Variants in PTK2 observed in about 807,000 individuals in gnomAD.
The protein encoded by PTK2 is focal adhesion kinase 1.
Under a neutral mutation model 150.1 loss-of-function variants are expected in PTK2, and 45 were observed. That is an observed-to-expected ratio of 0.30 (90% CI 0.24 to 0.38). The LOEUF is 0.38. PTK2 is among the 10% of genes least tolerant of loss of function. PTK2 has a pLI of 1.00. For missense variants in PTK2, 919 were observed against 1,307.3 expected, an observed-to-expected ratio of 0.70 and a Z score of 4.58; for synonymous variants, 432 against 449.2, an observed-to-expected ratio of 0.96 and a Z score of 0.48.
chr8:140,696,271 G>T (rs1266567299), intron 26 of PTK2, among the ~76,000 whole-genome samples: 2 of 152,088 alleles, frequency 1.3e-5, no homozygotes, highest in Non-Finnish European at 2.9e-5. Context: ...AACATTAGAA[G>T]AAAAATGAAG....
At position 140,682,072 on chromosome 8, in the gene PTK2, A is replaced by G. The variant is rs184962588; in HGVS notation, c.2562+4560T>C. On this transcript the variant is annotated intron_variant, in intron 27 of 31. Transcript: ENST00000522684. ...CCCCTGCTACATCCAGAAGAAAAAA[A>G]TATTGCTTGAACAAATTTTCTGTGA... Among the ~76,000 whole-genome samples the G allele has an allele frequency of 7.2e-5, 11 of 152,342 alleles. No individual in the cohort carries two copies. The East Asian group carries it at 2.1e-3, about 29-fold the overall frequency.
chr8:140,915,722 C>A (rs2154608114), intron 2 of PTK2, among the ~76,000 whole-genome samples: 1 of 151,994 alleles, frequency 6.6e-6, no homozygotes, highest in African/African-American at 2.4e-5. Context: ...CATGATAAAA[C>A]CCGTCTCTAC....
chr8:140,986,387 A>G (rs752152523), intron 1 of PTK2, among the ~76,000 whole-genome samples: 11 of 152,360 alleles, frequency 7.2e-5, no homozygotes, highest in South Asian at 2.1e-4. Flanking sequence ...AAAAAGACTA[A>G]AAGAAAATAT....
At chr8:140,680,991 AG>A (rs2100016594) in intron 27 of PTK2, among the ~76,000 whole-genome samples, 1 of 152,248 alleles carries the variant, frequency 6.6e-6, no homozygotes. Context: ...CAAATGTTTA[AG>A]GAAATCTGCA....
chr8:140,890,882 G>C (rs943625027), intron 2 of PTK2, 113 bp from the exon 3 acceptor site: 5 of 912,884 alleles, frequency 5.5e-6, no homozygotes, highest in Non-Finnish European at 6.7e-6. Flanking sequence ...TGTTATATGC[G>C]GAAGGAGTCT....
intron 1 of PTK2, among the ~76,000 whole-genome samples, chr8:140,985,112 ATCT>A (rs905335620): frequency 6.6e-6 from 1 of 152,030 alleles, no homozygotes; most frequent in East Asian, 1.9e-4. Flanking sequence ...ATAGCTTTTC[ATCT>A]TCTTTTTTTA....
chr8:140,699,256 T>C (rs1018819516), intron 26 of PTK2, among the ~76,000 whole-genome samples: 1 of 152,224 alleles, frequency 6.6e-6, no homozygotes, highest in African/African-American at 2.4e-5. Flanking sequence ...CTCAAAATTA[T>C]GAATCCTGGC....
chr8:140,977,959 T>C (rs916874770), intron 1 of PTK2, among the ~76,000 whole-genome samples: 2 of 152,078 alleles, frequency 1.3e-5, no homozygotes, highest in Admixed American at 6.6e-5. Context: ...CGCATGCATA[T>C]CTACAACTAT....
chr8:140,946,608 C>T (rs886190150), intron 1 of PTK2, among the ~76,000 whole-genome samples: 1 of 152,186 alleles, frequency 6.6e-6, no homozygotes, highest in African/African-American at 2.4e-5. Context: ...TGGTTTCCCG[C>T]ATGAATACAC....
Position 140,901,809 on chromosome 8 carries a change from C to G in PTK2, c.-32-11040G>C, listed in dbSNP as rs191678114. 4.8e-3 allele frequency among the ~76,000 whole-genome samples: 733 copies of G among 152,188 alleles called. 5 individuals are homozygous for G. Among genetic ancestry groups the G allele is most frequent in the South Asian group, 0.014 (65 of 4,808 alleles). On this transcript the variant is annotated intron_variant, in intron 2 of 31. Coordinates refer to ENST00000522684, the Ensembl canonical transcript of PTK2. Reference sequence around the variant, plus strand: ...TCATAACGCTATCCCTCCCCTACCCCCAACAATCCTGCGACAGGCCCCGGT... The same window carrying G: ...TCATAACGCTATCCCTCCCCTACCCGCAACAATCCTGCGACAGGCCCCGGT...
intron 22 of PTK2, among the ~76,000 whole-genome samples, chr8:140,720,029 C>T (rs1565045402): frequency 2.6e-5 from 4 of 151,750 alleles, no homozygotes; most frequent in Admixed American, 2.0e-4. Flanking sequence ...CAGAACTAAG[C>T]GGGAGAGGAC....
intron 21 of PTK2, among the ~76,000 whole-genome samples, chr8:140,736,505 T>G (rs576918484): frequency 6.8e-6 from 1 of 148,112 alleles, no homozygotes; most frequent in East Asian, 2.0e-4. Flanking sequence ...AACCTGCACA[T>G]GGACCCTCTG....
intron 1 of PTK2, among the ~76,000 whole-genome samples, chr8:140,989,674 C>T (rs550445718): frequency 6.6e-6 from 1 of 151,914 alleles, no homozygotes; most frequent in African/African-American, 2.4e-5. Context: ...TTTGGGAGGC[C>T]GAGGCGGGCG....
At chr8:140,902,900 T>C (rs1331041914) in intron 2 of PTK2, among the ~76,000 whole-genome samples, 1 of 149,128 alleles carries the variant, frequency 6.7e-6, no homozygotes. Flanking sequence ...TTCTGTAGGT[T>C]GCCTGTTCAC....
chr8:140,791,711 C>T (rs979132796), intron 13 of PTK2, among the ~76,000 whole-genome samples: 14 of 151,954 alleles, frequency 9.2e-5, no homozygotes, highest in East Asian at 1.9e-4. Flanking sequence ...ATGTAGAATG[C>T]GACCTAGAAG....
At chr8:140,876,393 C>G (rs1037846503) in intron 4 of PTK2, among the ~76,000 whole-genome samples, 3 of 152,220 alleles carry the variant, frequency 2.0e-5, no homozygotes, top group African/African-American at 7.2e-5. Flanking sequence ...TATTATCCCA[C>G]TATTTTCTTG....
chr8:140,928,521 A>T (rs1455922465), intron 1 of PTK2, among the ~76,000 whole-genome samples: 1 of 152,234 alleles, frequency 6.6e-6, no homozygotes, highest in Non-Finnish European at 1.5e-5. Flanking sequence ...TCATAGCAGC[A>T]TTATTCACAA....
chr8:140,874,004 A>G (rs1482309244), intron 4 of PTK2, among the ~76,000 whole-genome samples: 1 of 152,164 alleles, frequency 6.6e-6, no homozygotes, highest in Non-Finnish European at 1.5e-5. Flanking sequence ...ACTTCCCACT[A>G]AACTTATTTT....
At chr8:140,680,056 T>A (rs1191978569) in intron 27 of PTK2, among the ~76,000 whole-genome samples, 1 of 152,190 alleles carries the variant, frequency 6.6e-6, no homozygotes, top group Non-Finnish European at 1.5e-5. Flanking sequence ...TCTACTCATT[T>A]GTGAAATGTG....
Sources: gnomAD v4.1 joint callset for allele counts (sites outside exome capture counted in the v4.1 genomes callset) on GRCh38, gnomAD v4.1.1 for gene constraint, MANE v1.5 for transcripts, NCBI Gene and HGNC (gene_info 2026-07-23, HGNC 2026-07-21) for gene names.